Variants in CDH23 observed in about 807,000 individuals in gnomAD.
CDH23 encodes cadherin related 23, also known as cadherin-23.
In CDH23, 189 loss-of-function variants were observed where a neutral mutation model predicts 317.1. The observed-to-expected ratio is 0.60, with a 90% CI of 0.53 to 0.67. The LOEUF (loss-of-function observed/expected upper bound fraction) is 0.67. Ranked by LOEUF, CDH23 falls within the 30% of genes least tolerant of loss-of-function variation. CDH23 has a pLI of 0.00. For missense variants in CDH23, 4,401 were observed against 4,592.4 expected, an observed-to-expected ratio of 0.96 and a Z score of 1.20; for synonymous variants, 1,839 against 1,876.8, an observed-to-expected ratio of 0.98 and a Z score of 0.52.
intron 3 of CDH23, among the ~76,000 whole-genome samples, chr10:71,453,681 T>C (rs1850556390): frequency 6.6e-6 from 1 of 152,124 alleles, no homozygotes; most frequent in Admixed American, 6.5e-5. Flanking sequence ...AGAACCACAG[T>C]GGGAGAATTA....
Position 71,731,982 on chromosome 10 carries a change from T to C in CDH23, c.3716-5T>C, listed in dbSNP as rs373814200. ...GGACTGCACAGCCTCTGTGTCCTCCTACAGGGGATGGTGGCCTGGTGAACT... is the reference window on the plus strand; with the variant it reads ...GGACTGCACAGCCTCTGTGTCCTCCCACAGGGGATGGTGGCCTGGTGAACT... On this transcript the variant is annotated splice_region_variant and splice_polypyrimidine_tract_variant and intron_variant, in intron 31 of 69. Coordinates refer to ENST00000224721, the MANE Select transcript of CDH23 (RefSeq NM_022124.6). The C allele has an allele frequency of 1.6e-5, 26 of 1,612,844 alleles. No individual in the cohort carries two copies. Among genetic ancestry groups the C allele is most frequent in the Non-Finnish European group, 2.1e-5 (25 of 1,179,266 alleles).
At chr10:71,664,941 T>A (rs1445461760) in intron 14 of CDH23, among the ~76,000 whole-genome samples, 3 of 151,914 alleles carry the variant, frequency 2.0e-5, no homozygotes, top group Non-Finnish European at 2.9e-5. Context: ...ATCTTTCTGA[T>A]GTCCTTTCCT....
intron 3 of CDH23, among the ~76,000 whole-genome samples, chr10:71,480,100 TC>T (rs1851991254): frequency 6.6e-6 from 1 of 152,048 alleles, no homozygotes; most frequent in South Asian, 2.1e-4. Context: ...GCACCTCTGC[TC>T]CCCCACACCT....
intron 9 of CDH23, among the ~76,000 whole-genome samples, chr10:71,602,321 G>C (rs945477761): frequency 6.6e-6 from 1 of 152,096 alleles, no homozygotes; most frequent in African/African-American, 2.4e-5. Flanking sequence ...AGTGAGAGCC[G>C]CTCTGTACCA....
intron 55 of CDH23, among the ~76,000 whole-genome samples, chr10:71,803,815 C>CAA (rs59916449): frequency 9.1e-4 from 65 of 71,080 alleles, no homozygotes; most frequent in African/African-American, 2.2e-3. Flanking sequence ...ACTAAAAATG[C>CAA]AAAAAAAAAA....
rs113915706 is a variant in CDH23 at position 71,400,559 on chromosome 10, G to A, written c.-6+3241G>A. ...TCACACCTATAATCCTAGCACTTTC[G>A]GAGGCCAAGGCAGGTGGATCACTTG... On this transcript the variant is annotated intron_variant, in intron 1 of 69. Transcript: ENST00000224721. 2.6e-3 allele frequency among the ~76,000 whole-genome samples: 391 copies of A among 152,270 alleles called. 3 individuals carry two copies. Among genetic ancestry groups the A allele is most frequent in the African/African-American group, 9.0e-3 (375 of 41,548 alleles).
intron 3 of CDH23, among the ~76,000 whole-genome samples, chr10:71,491,418 G>A (rs1225833415): frequency 2.0e-5 from 3 of 152,146 alleles, no homozygotes; most frequent in Non-Finnish European, 4.4e-5. Flanking sequence ...CACAGCCTTG[G>A]GCACACTGTC....
chr10:71,507,486 G>A (rs890801212), intron 3 of CDH23, among the ~76,000 whole-genome samples: 12 of 152,194 alleles, frequency 7.9e-5, no homozygotes, highest in African/African-American at 2.7e-4. Context: ...GGGGTCAGGA[G>A]TTCAATATCA....
rs112837364 is a variant in CDH23, at chr10:71,732,389, G to A, written c.4104+14G>A. The A allele has an allele frequency of 3.9e-6, 6 of 1,554,046 alleles. No homozygotes were observed. The African/African-American group carries it at 6.8e-5, about 18-fold the overall frequency. Reference sequence around the variant, plus strand: ...GACGCCATCACGGTGAGGGGCTGGGGGCAGGGAGCACCATTTCTTCCAATC... The same window carrying A: ...GACGCCATCACGGTGAGGGGCTGGGAGCAGGGAGCACCATTTCTTCCAATC... On this transcript the variant is annotated intron_variant, in intron 32 of 69. Coordinates refer to ENST00000224721, the MANE Select transcript of CDH23 (RefSeq NM_022124.6).
rs180713071 is a variant in CDH23, at chr10:71,672,765, A to G, written c.1450-2347A>G. On this transcript the variant is annotated intron_variant, in intron 14 of 69. Coordinates refer to ENST00000224721, the MANE Select transcript of CDH23 (RefSeq NM_022124.6). Reference sequence around the variant, plus strand: ...TCATCACCTAATTTCCCTGGGCCTCAGCTGCTCCAGGCCCCAGGGTGAAGG... The same window carrying G: ...TCATCACCTAATTTCCCTGGGCCTCGGCTGCTCCAGGCCCCAGGGTGAAGG... 2.3e-3 allele frequency among the ~76,000 whole-genome samples: 350 copies of G among 152,302 alleles called. 2 individuals are homozygous for G. Among genetic ancestry groups the G allele is most frequent in the Non-Finnish European group, 4.2e-3 (286 of 68,010 alleles).
intron 1 of CDH23, 128 bp from the exon 2 acceptor site, chr10:71,439,699 G>C: frequency 1.5e-6 from 1 of 665,830 alleles, no homozygotes; most frequent in Non-Finnish European, 2.7e-6. Context: ...CCTCCATCTG[G>C]GTTGATTCCT....
chr10:71,588,891 G>C (rs1859268671), intron 9 of CDH23, among the ~76,000 whole-genome samples: 1 of 152,210 alleles, frequency 6.6e-6, no homozygotes, highest in East Asian at 1.9e-4. Flanking sequence ...GGGCGCCCAT[G>C]ACCCTGGAGC....
intron 11 of CDH23, among the ~76,000 whole-genome samples, chr10:71,634,428 A>G (rs867134357): frequency 3.9e-5 from 6 of 152,158 alleles, no homozygotes; most frequent in Non-Finnish European, 8.8e-5. Context: ...TTGCCATTGG[A>G]GTGAGGAAAG....
At position 71,694,329 on chromosome 10, in the gene CDH23, C is replaced by T; in HGVS notation, c.2289+70C>T. On this transcript the variant is annotated intron_variant, in intron 21 of 69. Transcript: ENST00000224721. ...AGGCTGCTGCTCCCTGCTTGTACCT[C>T]TGGACCCCCGTGTCCTGAGCCAGTG... The T allele has an allele frequency of 2.5e-6, 3 of 1,214,284 alleles. No homozygotes were observed. The South Asian group carries it at 3.8e-5, about 16-fold the overall frequency. The allele number at this position is 1,214,284 out of a possible 1,614,324, so 75.2% of individuals were successfully genotyped here.
chr10:71,410,352 G>C (rs143716301), intron 1 of CDH23, among the ~76,000 whole-genome samples: 136 of 152,204 alleles, frequency 8.9e-4, no homozygotes, highest in Non-Finnish European at 1.6e-3. Context: ...GTAGGTTGAG[G>C]GGGTGCAGTC....
intron 9 of CDH23, among the ~76,000 whole-genome samples, chr10:71,580,821 T>C (rs1414384533): frequency 6.6e-6 from 1 of 151,962 alleles, no homozygotes. Flanking sequence ...GAAAGGTAGG[T>C]AAGGGTGGCT....
intron 1 of CDH23, among the ~76,000 whole-genome samples, chr10:71,399,515 C>T (rs765708255): frequency 9.2e-5 from 14 of 152,198 alleles, no homozygotes; most frequent in Non-Finnish European, 1.6e-4. Flanking sequence ...CTGGCCCCTT[C>T]GGGTTGTACC....
chr10:71,675,020 A>C, intron 14 of CDH23, 92 bp from the exon 15 acceptor site: 3 of 1,185,662 alleles, frequency 2.5e-6, no homozygotes, highest in Non-Finnish European at 3.7e-6. Context: ...ACCCTGGGCC[A>C]AAGGAGACGT....
intron 30 of CDH23, among the ~76,000 whole-genome samples, chr10:71,727,690 C>A (rs542408112): frequency 6.6e-6 from 1 of 152,128 alleles, no homozygotes; most frequent in Non-Finnish European, 1.5e-5. Flanking sequence ...CATATGCCCA[C>A]GCACACCTCC....
Sources: allele counts gnomAD v4.1 joint callset (sites outside exome capture counted in the v4.1 genomes callset), GRCh38; gene constraint gnomAD v4.1.1; transcripts MANE v1.5; gene names NCBI Gene and HGNC (gene_info 2026-07-23, HGNC 2026-07-21).